CYP7B1: variants seen among roughly 807,000 people sequenced by gnomAD.
CYP7B1 encodes cytochrome P450 7B1.
Under a neutral mutation model 42.7 loss-of-function variants are expected in CYP7B1, and 29 were observed. That is an observed-to-expected ratio of 0.68 (90% CI 0.51 to 0.93). The LOEUF is 0.93. Among genes scored for constraint, CYP7B1 ranks in the 40% least tolerant of loss-of-function variants. The probability of loss-of-function intolerance (pLI) is 0.00; values close to 1 mark genes in which losing one functional copy is unlikely to be tolerated. For synonymous variants in CYP7B1, 235 were observed against 218.2 expected (o/e 1.08, Z -0.68); for missense variants, 655 against 600.5 (o/e 1.09, Z -0.95).
intron 1 of CYP7B1, among the ~76,000 whole-genome samples, chr8:64,695,602 C>CA (rs1806813271): frequency 1.1e-5 from 1 of 92,556 alleles, no homozygotes; most frequent in South Asian, 3.9e-4. Context: ...TTATCAAATT[C>CA]CTTTTTTTTT....
rs896891714 is a variant in CYP7B1, at chr8:64,638,880, A to G, written c.123-14341T>C. On this transcript the variant is annotated intron_variant, in intron 1 of 5. Coordinates refer to ENST00000310193, the MANE Select transcript of CYP7B1 (RefSeq NM_004820.5). The stretch of plus-strand genomic sequence containing the variant: ...GCATGAACATGTATATGTATTTTAA[A>G]TTGGGACCTAGAAAAAGTGATGCCA... 2.6e-5 allele frequency among the ~76,000 whole-genome samples: 4 copies of G among 151,962 alleles called. No individual in the cohort carries two copies. In the East Asian group the frequency reaches 7.7e-4, roughly 29 times the overall value.
At chr8:64,643,055 T>G (rs538537223) in intron 1 of CYP7B1, among the ~76,000 whole-genome samples, 1 of 95,878 alleles carries the variant, frequency 1.0e-5, no homozygotes, top group East Asian at 2.5e-4. Flanking sequence ...TTCTCCAGAA[T>G]AAAAGAATCA....
At chr8:64,668,769 A>C (rs913252288) in intron 1 of CYP7B1, among the ~76,000 whole-genome samples, 10 of 151,724 alleles carry the variant, frequency 6.6e-5, no homozygotes, top group African/African-American at 2.4e-4. Flanking sequence ...AAGACTTTAT[A>C]AACTGCCAAA....
intron 1 of CYP7B1, among the ~76,000 whole-genome samples, chr8:64,628,682 A>T (rs1805643498): frequency 6.6e-6 from 1 of 152,086 alleles, no homozygotes; most frequent in African/African-American, 2.4e-5. Flanking sequence ...ATAAAATAAA[A>T]CAAAATGAAA....
intron 1 of CYP7B1, among the ~76,000 whole-genome samples, chr8:64,638,367 A>C (rs911507151): frequency 2.6e-5 from 4 of 152,090 alleles, no homozygotes; most frequent in Non-Finnish European, 5.9e-5. Context: ...TAGTTAAATG[A>C]ATGAGATTTT....
chr8:64,770,026 T>C (rs749104020), intron 1 of CYP7B1, among the ~76,000 whole-genome samples: 1 of 152,196 alleles, frequency 6.6e-6, no homozygotes. Flanking sequence ...CTCAATTACA[T>C]TTGTGTGTGT....
chr8:64,798,358 T>C, intron 1 of CYP7B1, 108 bp downstream of exon 1: 14 of 1,375,862 alleles, frequency 1.0e-5, no homozygotes, highest in Non-Finnish European at 1.3e-5. Flanking sequence ...CAGCAAGTTC[T>C]GACTGTCTGC....
chr8:64,637,206 A>G (rs1805786638), intron 1 of CYP7B1, among the ~76,000 whole-genome samples: 1 of 152,184 alleles, frequency 6.6e-6, no homozygotes, highest in Non-Finnish European at 1.5e-5. Context: ...CACCAAAATA[A>G]TCAAGCACAG....
At chr8:64,698,592 C>A (rs1325581096) in intron 1 of CYP7B1, among the ~76,000 whole-genome samples, 2 of 152,070 alleles carry the variant, frequency 1.3e-5, no homozygotes, top group Non-Finnish European at 1.5e-5. Flanking sequence ...ATGAAAAGGA[C>A]AACATATTCA....
chr8:64,607,398 TAAAAA>T (rs5891968), intron 4 of CYP7B1, among the ~76,000 whole-genome samples: 1 of 143,958 alleles, frequency 6.9e-6, no homozygotes, highest in Non-Finnish European at 1.5e-5. Flanking sequence ...GCTCTAGAAT[TAAAAA>T]AAAAAAAAAA....
At chr8:64,755,763 C>A (rs76237437) in intron 1 of CYP7B1, among the ~76,000 whole-genome samples, 3,022 of 152,138 alleles carry the variant, frequency 0.02, 106 homozygotes, top group African/African-American at 0.067. Flanking sequence ...CCACATATTT[C>A]TCATTGATGA....
chr8:64,720,073 T>C (rs1030965511), intron 1 of CYP7B1, among the ~76,000 whole-genome samples: 2 of 152,200 alleles, frequency 1.3e-5, no homozygotes, highest in Non-Finnish European at 2.9e-5. Context: ...TTGTCTGCCT[T>C]ACTAGCCTTT....
At chr8:64,769,460 T>C (rs1804179811) in intron 1 of CYP7B1, among the ~76,000 whole-genome samples, 1 of 152,148 alleles carries the variant, frequency 6.6e-6, no homozygotes, top group Non-Finnish European at 1.5e-5. Flanking sequence ...CAAAACCTGA[T>C]TACCTTCACC....
intron 1 of CYP7B1, among the ~76,000 whole-genome samples, chr8:64,732,597 A>G (rs1046620810): frequency 2.6e-5 from 4 of 152,186 alleles, no homozygotes; most frequent in African/African-American, 9.7e-5. Flanking sequence ...GGGAACTGTT[A>G]GGATGGCATA....
chr8:64,746,085 A>T (rs915813026), intron 1 of CYP7B1, among the ~76,000 whole-genome samples: 1 of 152,094 alleles, frequency 6.6e-6, no homozygotes, highest in Non-Finnish European at 1.5e-5. Flanking sequence ...CTCTAGCTGG[A>T]TCTAAGTTGA....
In CYP7B1 at chr8:64,596,806, A is replaced by G. The variant is rs1484365639; in HGVS notation, c.1357T>C (p.Phe453Leu). 6 of 1,614,032 alleles carry G rather than the reference A, an allele frequency of 3.7e-6. No individual in the cohort carries two copies. In the African/African-American group the frequency reaches 6.7e-5, roughly 18 times the overall value. ...GTGTSKCPGR[F>L]FALMEIKQLL... ...TGTTTTATTTCCATAAGTGCAAAAAATCGGCCTGGACATTTGCTGGTTCCA... is the reference window on the plus strand; with the variant it reads ...TGTTTTATTTCCATAAGTGCAAAAAGTCGGCCTGGACATTTGCTGGTTCCA... Residue 453 changes from phenylalanine to leucine, a missense_variant, in exon 6 of 6, where the codon TTT (phenylalanine) becomes CTT (leucine). Transcript: ENST00000310193.
intron 1 of CYP7B1, among the ~76,000 whole-genome samples, chr8:64,695,201 C>T (rs1015392880): frequency 3.3e-5 from 5 of 152,064 alleles, no homozygotes; most frequent in Non-Finnish European, 7.4e-5. Flanking sequence ...ATTTATAAAC[C>T]GGCTCTGTGA....
chr8:64,749,189 T>G (rs892256915), intron 1 of CYP7B1, among the ~76,000 whole-genome samples: 2 of 152,126 alleles, frequency 1.3e-5, no homozygotes, highest in African/African-American at 2.4e-5. Flanking sequence ...CAAGAAATTC[T>G]CCTGCCTCAG....
At chr8:64,720,904 C>G (rs1188727845) in intron 1 of CYP7B1, among the ~76,000 whole-genome samples, 1 of 151,856 alleles carries the variant, frequency 6.6e-6, no homozygotes, top group Non-Finnish European at 1.5e-5. Flanking sequence ...TTGATTTAAT[C>G]TATTTGTAAA....
Sources: allele counts gnomAD v4.1 joint callset (sites outside exome capture counted in the v4.1 genomes callset), GRCh38; gene constraint gnomAD v4.1.1; transcripts MANE v1.5; gene names NCBI Gene and HGNC (gene_info 2026-07-23, HGNC 2026-07-21).